The following TAOK3 variants were observed in gnomAD, a reference collection of about 807,000 sequenced individuals.
The protein encoded by TAOK3 is TAO kinase 3, also known as serine/threonine-protein kinase TAO3.
In TAOK3, 40 loss-of-function variants were observed where a neutral mutation model predicts 120.4. That is an observed-to-expected ratio of 0.33 (90% confidence interval 0.26 to 0.43). TAOK3 has a LOEUF of 0.43. Among genes scored for constraint, TAOK3 ranks in the 20% least tolerant of loss-of-function variants. The pLI is 1.00. For missense variants in TAOK3, 821 were observed against 1,112.1 expected (o/e 0.74, Z 3.72); for synonymous variants, 355 against 387.5 (o/e 0.92, Z 0.99).
At chr12:118,209,680 T>C (rs772259043) in intron 11 of TAOK3, among the ~76,000 whole-genome samples, 2 of 151,752 alleles carry the variant, frequency 1.3e-5, no homozygotes, top group Non-Finnish European at 2.9e-5. Context: ...ATTATAGGTG[T>C]GAGCCATTGC....
At chr12:118,234,321 C>T (rs952412493) in intron 8 of TAOK3, among the ~76,000 whole-genome samples, 1 of 147,244 alleles carries the variant, frequency 6.8e-6, no homozygotes, top group Non-Finnish European at 1.5e-5. Context: ...CTCCGCCTCC[C>T]AGGTTCATGC....
intron 3 of TAOK3, among the ~76,000 whole-genome samples, chr12:118,250,479 T>C (rs1017879696): frequency 1.3e-5 from 2 of 152,178 alleles, no homozygotes; most frequent in African/African-American, 4.8e-5. Flanking sequence ...AGTGTTTAGG[T>C]ATAAAAATAC....
At chr12:118,182,623 A>ATATTTTTTTTT (rs371125415) in intron 14 of TAOK3, among the ~76,000 whole-genome samples, 10 of 92,390 alleles carry the variant, frequency 1.1e-4, no homozygotes, top group African/African-American at 4.4e-4. Context: ...ATATATATAT[A>ATATTTTTTTTT]TTTTTTTTTT....
intron 1 of TAOK3, among the ~76,000 whole-genome samples, chr12:118,278,319 G>A (rs1472158912): frequency 6.6e-6 from 1 of 151,974 alleles, no homozygotes; most frequent in Non-Finnish European, 1.5e-5. Flanking sequence ...AGTAGGCCCT[G>A]GTGTCTGTGA....
chr12:118,348,860 T>C (rs958893711), intron 1 of TAOK3, among the ~76,000 whole-genome samples: 4 of 151,134 alleles, frequency 2.6e-5, no homozygotes, highest in African/African-American at 4.9e-5. Context: ...TTTTTTTTTT[T>C]TTTTTGAGAA....
chr12:118,200,239 T>C (rs2037953874), intron 12 of TAOK3: 1 of 148,082 alleles, frequency 6.8e-6, no homozygotes, highest in Non-Finnish European at 1.5e-5. Flanking sequence ...AAAATACTTT[T>C]ATGTTTATTT....
intron 1 of TAOK3, among the ~76,000 whole-genome samples, chr12:118,307,693 A>C (rs925972446): frequency 2.0e-5 from 3 of 152,208 alleles, no homozygotes; most frequent in Non-Finnish European, 2.9e-5. Flanking sequence ...AGCCAGCTAG[A>C]GGTCTCGGTA....
chr12:118,195,032 C>T (rs902584869), intron 13 of TAOK3, among the ~76,000 whole-genome samples: 1 of 151,998 alleles, frequency 6.6e-6, no homozygotes, highest in African/African-American at 2.4e-5. Flanking sequence ...AAGGTGTGAG[C>T]CACCGTGCCT....
At chr12:118,318,713 G>A (rs920738015) in intron 1 of TAOK3, among the ~76,000 whole-genome samples, 5 of 152,088 alleles carry the variant, frequency 3.3e-5, no homozygotes, top group African/African-American at 9.7e-5. Context: ...ATATGACCTG[G>A]CAATCCCACT....
rs924928112 is a variant in TAOK3 at position 118,256,993 on chromosome 12, C to T, written c.-88-1338G>A. Among the ~76,000 whole-genome samples, 18 of 152,186 alleles carry T rather than the reference C, an allele frequency of 1.2e-4. 1 individual carries two copies. Among genetic ancestry groups the T allele is most frequent in the Admixed American group, 5.9e-4 (9 of 15,278 alleles). On this transcript the variant is annotated intron_variant, in intron 2 of 20. Coordinates refer to ENST00000392533, the MANE Select transcript of TAOK3 (RefSeq NM_016281.4). Reference sequence around the variant, plus strand: ...AACGGTTGGTATTTATTAATCGATACTATGCGCCAGGCAGCACTAAAACCT... The same window carrying T: ...AACGGTTGGTATTTATTAATCGATATTATGCGCCAGGCAGCACTAAAACCT...
chr12:118,161,974 C>T lies in TAOK3; in HGVS notation c.1953G>A (p.Arg651=). Residue 651 remains arginine, a synonymous_variant, in exon 18 of 21, where the codon CGG becomes CGA. Transcript: ENST00000392533. This position sits in a 1 kb window ranked among gnomAD's most constrained non-coding sequence, Gnocchi z 4.5. ...CTAGCTCTCGGGTGGACTCGTCGTG[C>T]CGGATTAGCATGGCATGCTCCATCT... The part of the protein sequence containing the change: ...QKEMEHAMLI[R]HDESTRELEY... 1 of 1,614,026 alleles carries T rather than the reference C, an allele frequency of 6.2e-7. No individual in the cohort carries two copies. The highest frequency in any genetic ancestry group is 8.5e-7 in the Non-Finnish European group (1 of 1,180,022).
intron 3 of TAOK3, chr12:118,246,647 C>T (rs1255459840): frequency 4.5e-6 from 7 of 1,565,428 alleles, no homozygotes; most frequent in East Asian, 2.3e-5. Context: ...CAGGCCGCTG[C>T]GGCTCTGTGC....
At chr12:118,213,208 T>A (rs2038717476) in intron 10 of TAOK3, among the ~76,000 whole-genome samples, 1 of 152,194 alleles carries the variant, frequency 6.6e-6, no homozygotes, top group Non-Finnish European at 1.5e-5. Flanking sequence ...AGTCAACATA[T>A]TAATACATCT....
intron 17 of TAOK3, among the ~76,000 whole-genome samples, chr12:118,165,263 CA>C (rs2035507775): frequency 6.6e-6 from 1 of 152,068 alleles, no homozygotes; most frequent in Non-Finnish European, 1.5e-5. Context: ...TCTCCCAGGC[CA>C]AGGAAAGCCC....
In TAOK3 at chr12:118,189,918, C is replaced by T. The variant is rs56213101; in HGVS notation, c.1218G>A (p.Glu406=). ...CAGGCCTGGGATCGCCGTGGCCCGC[C>T]TCATCCCTTATGAATACATGATCCT... ...HKKDHVFIRD[E]AGHGDPRPEP... The change falls in exon 14 of 21, where the codon GAG becomes GAA. Residue 406 remains glutamate (E), a synonymous_variant. Transcript: ENST00000392533. 5.3e-5 allele frequency: 86 copies of T among 1,614,218 alleles called. No individual in the cohort carries two copies. The East Asian group carries it at 1.8e-3, about 33-fold the overall frequency.
intron 15 of TAOK3, 115 bp downstream of exon 15, chr12:118,181,256 C>T (rs2036701218): frequency 1.1e-6 from 1 of 907,486 alleles, no homozygotes; most frequent in Admixed American, 2.2e-5. Flanking sequence ...ATTTTGCCAC[C>T]CCGGAAACAA....
chr12:118,182,616 TATATATA>T lies in TAOK3; in HGVS notation c.1330-1016_1330-1010del, dbSNP rs1220164317. 9.4e-3 allele frequency among the ~76,000 whole-genome samples: 839 copies of T among 89,650 alleles called. 16 individuals carry two copies. Among genetic ancestry groups the T allele is most frequent in the African/African-American group, 0.038 (800 of 20,996 alleles). 58.8% of individuals were successfully genotyped at this position (89,650 alleles called of 152,430 possible). A position where few individuals can be genotyped will look rare whatever the true frequency, so the allele number is the denominator to read the frequency against. ...GTGTGTGTGTATATATATATATATA[TATATATA>T]TTTTTTTTTTTTTTTAAGGATCATG... On this transcript the variant is annotated intron_variant, in intron 14 of 20. Transcript: ENST00000392533.
At chr12:118,322,349 C>T (rs984266249) in intron 1 of TAOK3, among the ~76,000 whole-genome samples, 1 of 149,840 alleles carries the variant, frequency 6.7e-6, no homozygotes, top group African/African-American at 2.5e-5. Flanking sequence ...AAGAAAGACA[C>T]TGCGTTTGTT....
chr12:118,276,270 T>C (rs2041900112), intron 1 of TAOK3, among the ~76,000 whole-genome samples: 1 of 152,168 alleles, frequency 6.6e-6, no homozygotes, highest in Non-Finnish European at 1.5e-5. Flanking sequence ...TAAGAATTGG[T>C]TGAATTCCAG....
Sources: allele counts gnomAD v4.1 joint callset (sites outside exome capture counted in the v4.1 genomes callset), GRCh38; gene constraint gnomAD v4.1.1; non-coding constraint Gnocchi (gnomAD v3.1); transcripts MANE v1.5; gene names NCBI Gene and HGNC (gene_info 2026-07-23, HGNC 2026-07-21).